The following ADGRB3 variants were observed in gnomAD, a reference collection of about 807,000 sequenced individuals.
The protein encoded by ADGRB3 is brain-specific angiogenesis inhibitor 3.
A neutral mutation model predicts 193.4 loss-of-function variants in ADGRB3; 37 were observed. The ratio of observed to expected loss-of-function variants is 0.19; its 90% CI spans 0.15 to 0.25. The LOEUF is 0.25. Among genes scored for constraint, ADGRB3 ranks in the 10% least tolerant of loss-of-function variants. The pLI, the probability that ADGRB3 is intolerant of heterozygous loss-of-function variation, is 1.00. For missense variants in ADGRB3, 1,637 were observed against 1,852.9 expected (o/e 0.88, Z 2.14); for synonymous variants, 690 against 644.2 (o/e 1.07, Z -1.08).
At chr6:69,231,126 A>G (rs960327624) in intron 17 of ADGRB3, among the ~76,000 whole-genome samples, 1 of 152,186 alleles carries the variant, frequency 6.6e-6, no homozygotes, top group Non-Finnish European at 1.5e-5. Flanking sequence ...TCATTGCACA[A>G]AGTAAAGTAA....
chr6:69,149,009 T>C (rs2150340575), intron 17 of ADGRB3, among the ~76,000 whole-genome samples: 1 of 152,270 alleles, frequency 6.6e-6, no homozygotes, highest in East Asian at 1.9e-4. Context: ...CAAGATTGCC[T>C]AGGTATCTTG....
At chr6:69,246,410 A>G (rs982360812) in intron 20 of ADGRB3, among the ~76,000 whole-genome samples, 1 of 152,202 alleles carries the variant, frequency 6.6e-6, no homozygotes, top group Non-Finnish European at 1.5e-5. Flanking sequence ...GTATCTTACT[A>G]ACTTAGAGTT....
chr6:68,997,348 A>T (rs367777337), intron 11 of ADGRB3, among the ~76,000 whole-genome samples: 1 of 152,060 alleles, frequency 6.6e-6, no homozygotes, highest in South Asian at 2.1e-4. Context: ...GGCTGTGATG[A>T]TATTGTGAAT....
chr6:68,912,222 T>C (rs7747786), intron 3 of ADGRB3, among the ~76,000 whole-genome samples: 49,055 of 151,792 alleles, frequency 0.32, 8,302 homozygotes, highest in Middle Eastern at 0.53. Flanking sequence ...GTCTCAGTAA[T>C]TTGTGGAATG....
At chr6:68,969,229 A>G (rs1004417384) in intron 8 of ADGRB3, among the ~76,000 whole-genome samples, 1 of 152,204 alleles carries the variant, frequency 6.6e-6, no homozygotes, top group African/African-American at 2.4e-5. Flanking sequence ...ATATTCATAT[A>G]TTCAATAACT....
At chr6:68,808,816 A>G (rs1220921697) in intron 3 of ADGRB3, among the ~76,000 whole-genome samples, 1 of 152,120 alleles carries the variant, frequency 6.6e-6, no homozygotes, top group East Asian at 1.9e-4. Flanking sequence ...CCTTTGCATA[A>G]CCAGCTGTTA....
At chr6:68,801,613 C>T (rs767231311) in intron 3 of ADGRB3, among the ~76,000 whole-genome samples, 14 of 152,070 alleles carry the variant, frequency 9.2e-5, no homozygotes, top group African/African-American at 1.7e-4. Context: ...CGTTTGAACG[C>T]GGGAGGCAGA....
intron 3 of ADGRB3, among the ~76,000 whole-genome samples, chr6:68,918,087 A>AT (rs1447147670): frequency 2.0e-5 from 3 of 152,164 alleles, no homozygotes; most frequent in African/African-American, 4.8e-5. Flanking sequence ...CAGGTAAAAC[A>AT]TTTTTTTAAG....
intron 3 of ADGRB3, among the ~76,000 whole-genome samples, chr6:68,756,376 C>T (rs542924774): frequency 6.6e-6 from 1 of 152,292 alleles, no homozygotes; most frequent in East Asian, 1.9e-4. Flanking sequence ...GCATACCGTT[C>T]TTCCTTTTTC....
intron 28 of ADGRB3, among the ~76,000 whole-genome samples, chr6:69,360,150 G>T (rs1266398737): frequency 6.6e-6 from 1 of 151,836 alleles, no homozygotes; most frequent in African/African-American, 2.4e-5. Flanking sequence ...GTGGAACAAA[G>T]ATTTTGGAGG....
At chr6:68,999,155 G>A (rs984459009) in intron 11 of ADGRB3, among the ~76,000 whole-genome samples, 5 of 152,082 alleles carry the variant, frequency 3.3e-5, no homozygotes, top group African/African-American at 1.2e-4. Context: ...TGGAAAACTA[G>A]TAGAACATAT....
intron 3 of ADGRB3, among the ~76,000 whole-genome samples, chr6:68,788,799 G>A (rs912944495): frequency 1.3e-4 from 20 of 152,158 alleles, no homozygotes; most frequent in Admixed American, 1.3e-3. Flanking sequence ...AAGTCTCTTT[G>A]TAGGTCACTA....
At position 68,882,940 on chromosome 6, in the gene ADGRB3, C is replaced by G. The variant is rs553337959; in HGVS notation, c.758-47619C>G. On this transcript the variant is annotated intron_variant, in intron 3 of 31. Coordinates refer to ENST00000370598, the MANE Select transcript of ADGRB3 (RefSeq NM_001704.3). ...ACAGAGTCTTGGTCTGTCGCCCAGG[C>G]TGGAGTGCAGTGGTGCGATCTCTGC... 7.9e-5 allele frequency among the ~76,000 whole-genome samples: 12 copies of G among 152,116 alleles called. No individual in the cohort carries two copies. The South Asian group carries it at 2.5e-3, about 32-fold the overall frequency.
At chr6:68,906,064 A>G (rs921209078) in intron 3 of ADGRB3, among the ~76,000 whole-genome samples, 2 of 152,026 alleles carry the variant, frequency 1.3e-5, no homozygotes, top group African/African-American at 4.8e-5. Context: ...ATAGAAATAA[A>G]TACCACAAGT....
chr6:68,934,058 A>C (rs1004455494), intron 4 of ADGRB3, among the ~76,000 whole-genome samples: 1 of 152,142 alleles, frequency 6.6e-6, no homozygotes, highest in Non-Finnish European at 1.5e-5. Flanking sequence ...CTTGACTAGA[A>C]TGTTCTTCAT....
intron 13 of ADGRB3, among the ~76,000 whole-genome samples, chr6:69,037,038 T>G (rs1425627186): frequency 6.6e-6 from 1 of 152,132 alleles, no homozygotes; most frequent in Non-Finnish European, 1.5e-5. Context: ...TTTGGCAGGT[T>G]ATGGTATGGA....
intron 3 of ADGRB3, among the ~76,000 whole-genome samples, chr6:68,876,904 A>G (rs542950252): frequency 2.6e-4 from 40 of 152,224 alleles, no homozygotes; most frequent in African/African-American, 8.7e-4. Context: ...TTTCAAAATT[A>G]TAAATATTTT....
chr6:69,114,217 C>T (rs1183214044), intron 17 of ADGRB3, among the ~76,000 whole-genome samples: 1 of 152,092 alleles, frequency 6.6e-6, no homozygotes, highest in Non-Finnish European at 1.5e-5. Flanking sequence ...AGATAGAAAA[C>T]CTGAGGCTTG....
At chr6:69,174,549 G>A (rs544146190) in intron 17 of ADGRB3, among the ~76,000 whole-genome samples, 9 of 152,296 alleles carry the variant, frequency 5.9e-5, no homozygotes, top group African/African-American at 2.2e-4. Context: ...AAATAGTGCT[G>A]CAATGCACAT....
Sources: gnomAD v4.1 joint callset for allele counts (sites outside exome capture counted in the v4.1 genomes callset) on GRCh38, gnomAD v4.1.1 for gene constraint, MANE v1.5 for transcripts, NCBI Gene and HGNC (gene_info 2026-07-23, HGNC 2026-07-21) for gene names.